The following BCR variants were observed in gnomAD, a reference collection of about 807,000 sequenced individuals.
The protein encoded by BCR is breakpoint cluster region protein.
BCR carries 58 observed loss-of-function variants against 138.6 expected under a neutral mutation model. The ratio of observed to expected loss-of-function variants is 0.42; its 90% confidence interval spans 0.34 to 0.52. The LOEUF is 0.52. Ranked by LOEUF, BCR falls within the 20% of genes least tolerant of loss-of-function variation. The pLI, the probability that BCR is intolerant of heterozygous loss-of-function variation, is 0.06. For synonymous variants in BCR, 786 were observed against 730.1 expected (o/e 1.08, Z -1.23); for missense variants, 1,599 against 1,727.2 (o/e 0.93, Z 1.32).
At chr22:23,238,330 A>G (rs1471364268) in intron 1 of BCR, among the ~76,000 whole-genome samples, 2 of 152,012 alleles carry the variant, frequency 1.3e-5, no homozygotes, top group African/African-American at 2.4e-5. Context: ...TTTCCGGGGG[A>G]AAATCCATTT....
At chr22:23,302,327 C>G (rs1037777324) in intron 16 of BCR, 3 of 152,538 alleles carry the variant, frequency 2.0e-5, no homozygotes, top group African/African-American at 7.2e-5. Context: ...GCTGAGGACT[C>G]CTTTCCATCC....
rs141561097 is a variant in BCR, at chr22:23,197,393, T to C, written c.1279+15154T>C. Among the ~76,000 whole-genome samples, 42 of 152,386 alleles carry C rather than the reference T, an allele frequency of 2.8e-4. No homozygotes were observed. In the East Asian group the frequency reaches 8.1e-3, roughly 29 times the overall value. On this transcript the variant is annotated intron_variant, in intron 1 of 22. Transcript: ENST00000305877. ...TTAAGCAAGGTATGGCTTTATCTAA[T>C]AAAATATAAATGCTTTGTAAATAGT...
At chr22:23,201,750 C>T (rs1317402770) in intron 1 of BCR, among the ~76,000 whole-genome samples, 5 of 152,148 alleles carry the variant, frequency 3.3e-5, no homozygotes, top group Admixed American at 1.3e-4. Flanking sequence ...CCACCGCGCC[C>T]GGCCAAGTCT....
intron 1 of BCR, among the ~76,000 whole-genome samples, chr22:23,219,845 C>G (rs1398994925): frequency 1.3e-5 from 2 of 152,222 alleles, no homozygotes; most frequent in African/African-American, 4.8e-5. Flanking sequence ...CTGTCCCCGA[C>G]CTGCATGTAA....
At chr22:23,221,124 A>G (rs1424433394) in intron 1 of BCR, among the ~76,000 whole-genome samples, 1 of 152,208 alleles carries the variant, frequency 6.6e-6, no homozygotes, top group African/African-American at 2.4e-5. Context: ...TTCAGATGCA[A>G]TACTTCATTC....
At chr22:23,239,248 T>C (rs777503170) in intron 1 of BCR, among the ~76,000 whole-genome samples, 32 of 152,272 alleles carry the variant, frequency 2.1e-4, no homozygotes, top group Admixed American at 5.9e-4. Flanking sequence ...TGGCTGGCAG[T>C]GTTGTGCAGG....
chr22:23,276,836 C>G (rs1217861693), intron 8 of BCR, among the ~76,000 whole-genome samples: 3 of 152,272 alleles, frequency 2.0e-5, no homozygotes, highest in African/African-American at 7.2e-5. Context: ...AGGGTCCGCT[C>G]TCCCTCACTG....
At chr22:23,234,651 G>A (rs2073002129) in intron 1 of BCR, among the ~76,000 whole-genome samples, 1 of 152,174 alleles carries the variant, frequency 6.6e-6, no homozygotes, top group Admixed American at 6.5e-5. Context: ...CCAAGACTCA[G>A]GGAGGCCATC....
chr22:23,228,726 G>A lies in BCR; in HGVS notation c.1280-25073G>A, dbSNP rs147534758. ...TTTCTGATGGGAAATCTACAGTTAC[G>A]TGAATCCTTATTCTCCTGTATGTAA... On this transcript the variant is annotated intron_variant, in intron 1 of 22. Transcript: ENST00000305877. Among the ~76,000 whole-genome samples, 14 of 152,214 alleles carry A rather than the reference G, an allele frequency of 9.2e-5. 1 individual carries two copies. In the South Asian group the frequency reaches 2.5e-3, roughly 27 times the overall value.
At chr22:23,264,302 G>A (rs2073411329) in intron 4 of BCR, 1 of 957,072 alleles carries the variant, frequency 1.0e-6, no homozygotes, top group Non-Finnish European at 1.7e-6. Context: ...TCACCACCAA[G>A]CATCTCTATG....
At chr22:23,294,935 G>A in intron 15 of BCR, 89 bp from the exon 16 acceptor site, 2 of 1,514,040 alleles carry the variant, frequency 1.3e-6, no homozygotes, top group Non-Finnish European at 1.8e-6. Context: ...AGCAAGGGCA[G>A]CAGGGAGAGC....
chr22:23,222,768 G>T (rs769004582), intron 1 of BCR, among the ~76,000 whole-genome samples: 4 of 152,204 alleles, frequency 2.6e-5, no homozygotes, highest in Non-Finnish European at 4.4e-5. Flanking sequence ...CCTTGAGGTG[G>T]TTACCTGGGC....
intron 1 of BCR, among the ~76,000 whole-genome samples, chr22:23,226,032 T>C (rs1433184642): frequency 6.6e-6 from 1 of 152,194 alleles, no homozygotes. Flanking sequence ...TCCGGCGCCC[T>C]TTCTTTGGGA....
At chr22:23,202,501 C>G (rs2072564210) in intron 1 of BCR, among the ~76,000 whole-genome samples, 1 of 152,062 alleles carries the variant, frequency 6.6e-6, no homozygotes, top group Non-Finnish European at 1.5e-5. Context: ...TCATTTCCAC[C>G]CATTAAAGAA....
chr22:23,302,113 C>T (rs549514864), intron 16 of BCR, among the ~76,000 whole-genome samples: 7 of 152,132 alleles, frequency 4.6e-5, no homozygotes, highest in South Asian at 2.1e-4. Flanking sequence ...GAGCCTCTAT[C>T]GTGCAAGAAG....
chr22:23,305,336 G>T (rs776130478), intron 16 of BCR, among the ~76,000 whole-genome samples: 1 of 152,198 alleles, frequency 6.6e-6, no homozygotes, highest in Non-Finnish European at 1.5e-5. Context: ...GACGATGGGC[G>T]TGAAGGAAGC....
At chr22:23,280,283 G>A (rs935263574) in intron 8 of BCR, among the ~76,000 whole-genome samples, 14 of 152,204 alleles carry the variant, frequency 9.2e-5, no homozygotes, top group African/African-American at 3.4e-4. Flanking sequence ...CTGGCCTGGG[G>A]GAAGTCCCCT....
At chr22:23,210,957 G>A (rs1021605265) in intron 1 of BCR, among the ~76,000 whole-genome samples, 1 of 152,096 alleles carries the variant, frequency 6.6e-6, no homozygotes, top group African/African-American at 2.4e-5. Flanking sequence ...CCATTCAGTG[G>A]TGGTTAGTAT....
At chr22:23,263,032 A>G (rs2073386510) in intron 4 of BCR, 3 of 765,956 alleles carry the variant, frequency 3.9e-6, no homozygotes, top group Non-Finnish European at 5.8e-6. Context: ...TATGGGAAGG[A>G]GGAATGGAGG....
Sources: allele counts gnomAD v4.1 joint callset (sites outside exome capture counted in the v4.1 genomes callset), GRCh38; gene constraint gnomAD v4.1.1; transcripts MANE v1.5; gene names NCBI Gene and HGNC (gene_info 2026-07-23, HGNC 2026-07-21).